BAIAP2L1: variants seen among roughly 807,000 people sequenced by gnomAD.
The protein encoded by BAIAP2L1 is BAR/IMD domain-containing adapter protein 2-like 1.
A neutral mutation model predicts 66.3 loss-of-function variants in BAIAP2L1; 35 were observed. The ratio of observed to expected loss-of-function variants is 0.53; its 90% confidence interval spans 0.40 to 0.70. The LOEUF (loss-of-function observed/expected upper bound fraction) is 0.70. Ranked by LOEUF, BAIAP2L1 falls within the 30% of genes least tolerant of loss-of-function variation. The probability of loss-of-function intolerance (pLI) is 0.00; values close to 1 mark genes in which losing one functional copy is unlikely to be tolerated. For missense variants in BAIAP2L1, 622 were observed against 656.9 expected, an observed-to-expected ratio of 0.95 and a Z score of 0.58; for synonymous variants, 269 against 248.7, an observed-to-expected ratio of 1.08 and a Z score of -0.77.
chr7:98,368,141 G>A (rs980833778), intron 1 of BAIAP2L1, among the ~76,000 whole-genome samples: 11 of 152,186 alleles, frequency 7.2e-5, no homozygotes, highest in South Asian at 4.1e-4. Context: ...AATCATGGCC[G>A]GGTGCAGTGG....
Position 98,339,246 on chromosome 7 carries a change from G to A in BAIAP2L1, c.214+15796C>T, listed in dbSNP as rs1023205771. Among the ~76,000 whole-genome samples, 10 of 152,190 alleles carry A rather than the reference G, an allele frequency of 6.6e-5. No homozygotes were observed. The East Asian group carries it at 1.7e-3, about 26-fold the overall frequency. ...ACATGCCCACCAGCAATGGTCAAGG[G>A]TTCCAATTTCTCTGCATCTTTGCCA... On this transcript the variant is annotated intron_variant, in intron 3 of 13. Coordinates refer to ENST00000005260, the MANE Select transcript of BAIAP2L1 (RefSeq NM_018842.5).
At chr7:98,334,208 G>C (rs1179905772) in intron 3 of BAIAP2L1, among the ~76,000 whole-genome samples, 4 of 152,096 alleles carry the variant, frequency 2.6e-5, no homozygotes, top group African/African-American at 9.7e-5. Context: ...AATTTCTATA[G>C]TTATAAAAAT....
At chr7:98,359,606 C>T (rs925220406) in intron 2 of BAIAP2L1, among the ~76,000 whole-genome samples, 20 of 152,046 alleles carry the variant, frequency 1.3e-4, no homozygotes, top group Non-Finnish European at 5.9e-5. Context: ...TAGTGTCTGC[C>T]TGCTGAAACC....
intron 12 of BAIAP2L1, among the ~76,000 whole-genome samples, chr7:98,297,863 C>A (rs944757298): frequency 6.6e-6 from 1 of 152,188 alleles, no homozygotes; most frequent in African/African-American, 2.4e-5. Context: ...CAAAGGAGAG[C>A]TGTGTGCTTA....
chr7:98,380,169 T>C (rs1372604613), intron 1 of BAIAP2L1, among the ~76,000 whole-genome samples: 1 of 151,362 alleles, frequency 6.6e-6, no homozygotes, highest in East Asian at 1.9e-4. Flanking sequence ...TCTCAAACTC[T>C]CAGACTCAAG....
At chr7:98,302,048 C>G (rs1167751808) in intron 12 of BAIAP2L1, among the ~76,000 whole-genome samples, 1 of 152,126 alleles carries the variant, frequency 6.6e-6, no homozygotes, top group East Asian at 1.9e-4. Flanking sequence ...GGCAGTCTCC[C>G]GACACTGACA....
rs935881863 is a variant in BAIAP2L1, at chr7:98,312,334, G to A, written c.640-70C>T. The A allele has an allele frequency of 1.6e-5, 24 of 1,479,238 alleles. No individual in the cohort carries two copies. The South Asian group carries it at 2.9e-4, about 18-fold the overall frequency. The allele number at this position is 1,479,238 out of a possible 1,614,324, so 91.6% of individuals were successfully genotyped here. On this transcript the variant is annotated intron_variant, in intron 7 of 13. Coordinates refer to ENST00000005260, the MANE Select transcript of BAIAP2L1 (RefSeq NM_018842.5). ...GAAGAGCTGAGAAAAATGACATCAC[G>A]TCATATCGCTGATAACAGATTACTG...
At chr7:98,307,207 G>A (rs915708018) in intron 10 of BAIAP2L1, 4 of 193,970 alleles carry the variant, frequency 2.1e-5, no homozygotes, top group African/African-American at 7.1e-5. Context: ...GCGCCTCCCA[G>A]GTTCAATCCT....
chr7:98,393,532 C>T (rs909591376), intron 1 of BAIAP2L1, among the ~76,000 whole-genome samples: 6 of 151,860 alleles, frequency 4.0e-5, no homozygotes, highest in Non-Finnish European at 7.4e-5. Context: ...GAGTCTCCCT[C>T]TGTCGCCCAG....
At chr7:98,346,745 G>C (rs1423852593) in intron 3 of BAIAP2L1, among the ~76,000 whole-genome samples, 1 of 152,178 alleles carries the variant, frequency 6.6e-6, no homozygotes, top group Non-Finnish European at 1.5e-5. Context: ...TTACAAAAAT[G>C]AGTAACTACA....
chr7:98,301,748 G>C (rs568623255), intron 12 of BAIAP2L1, among the ~76,000 whole-genome samples: 1 of 152,140 alleles, frequency 6.6e-6, no homozygotes, highest in Non-Finnish European at 1.5e-5. Flanking sequence ...TTTGGCAGGT[G>C]CGGCCTGTGG....
intron 1 of BAIAP2L1, chr7:98,385,882 C>T: frequency 7.0e-7 from 1 of 1,427,026 alleles, no homozygotes; most frequent in Non-Finnish European, 9.7e-7. Context: ...TCCAGAACTA[C>T]TGCCTTCACC....
rs561706030 is a variant in BAIAP2L1, at chr7:98,311,555, TAAAAAA to T, written c.807+536_807+541del. Among the ~76,000 whole-genome samples the T allele has an allele frequency of 3.6e-5, 5 of 139,934 alleles. No homozygotes were observed. The East Asian group carries it at 1.1e-3, about 30-fold the overall frequency. The allele number at this position is 139,934 out of a possible 152,430, so 91.8% of individuals were successfully genotyped here. ...GACTGTGTCTCAAAAACAAAAAAAATAAAAAAAAAACAGTAAGGATAAAATTTCCAA... is the reference window on the plus strand; with the variant it reads ...GACTGTGTCTCAAAAACAAAAAAAATAAAACAGTAAGGATAAAATTTCCAA... On this transcript the variant is annotated intron_variant, in intron 8 of 13. Transcript: ENST00000005260.
intron 1 of BAIAP2L1, among the ~76,000 whole-genome samples, chr7:98,367,519 C>T (rs1231295734): frequency 1.3e-5 from 2 of 148,930 alleles, no homozygotes; most frequent in African/African-American, 4.9e-5. Context: ...TATAGGCGCG[C>T]ACCACCACAC....
At chr7:98,390,401 T>C (rs1252085379) in intron 1 of BAIAP2L1, among the ~76,000 whole-genome samples, 1 of 151,820 alleles carries the variant, frequency 6.6e-6, no homozygotes, top group East Asian at 1.9e-4. Flanking sequence ...CTGCTTTACA[T>C]TAAATATTAT....
intron 2 of BAIAP2L1, 148 bp downstream of exon 2, chr7:98,362,209 T>G (rs1443991353): frequency 3.3e-6 from 2 of 614,522 alleles, no homozygotes; most frequent in Non-Finnish European, 5.6e-6. Context: ...CATTGTGTAC[T>G]GTCATTGCAA....
intron 9 of BAIAP2L1, 62 bp from the exon 10 acceptor site, chr7:98,307,958 A>G (rs757908448): frequency 2.9e-5 from 44 of 1,495,052 alleles, no homozygotes; most frequent in Non-Finnish European, 4.1e-5. Flanking sequence ...GGCACATTCC[A>G]ATGAGCAAAC....
In BAIAP2L1 at chr7:98,337,557, G is replaced by C. The variant is rs114946495; in HGVS notation, c.215-17259C>G. On this transcript the variant is annotated intron_variant, in intron 3 of 13. Coordinates refer to ENST00000005260, the MANE Select transcript of BAIAP2L1 (RefSeq NM_018842.5). Reference sequence around the variant, plus strand: ...TCAGATGTTAATGGCATTGCTGCCAGACTGCCTGAATATTCCAGAGTGCCA... The same window carrying C: ...TCAGATGTTAATGGCATTGCTGCCACACTGCCTGAATATTCCAGAGTGCCA... 4.6e-3 allele frequency among the ~76,000 whole-genome samples: 696 copies of C among 152,376 alleles called. 6 individuals carry two copies. The highest frequency in any genetic ancestry group is 0.016 in the African/African-American group (671 of 41,594).
chr7:98,305,938 A>C (rs1331764600), intron 11 of BAIAP2L1, among the ~76,000 whole-genome samples: 1 of 152,186 alleles, frequency 6.6e-6, no homozygotes, highest in Admixed American at 6.6e-5. Context: ...GGCCCAGCAC[A>C]GGCAGGAAGG....
Sources: allele counts gnomAD v4.1 joint callset (sites outside exome capture counted in the v4.1 genomes callset), GRCh38; gene constraint gnomAD v4.1.1; transcripts MANE v1.5; gene names NCBI Gene and HGNC (gene_info 2026-07-23, HGNC 2026-07-21).